TASP1: variants seen among roughly 807,000 people sequenced by gnomAD.
TASP1 encodes the protein taspase 1.
Under a neutral mutation model 56.6 loss-of-function variants are expected in TASP1, and 16 were observed. The observed-to-expected ratio is 0.28, with a 90% CI of 0.19 to 0.43. The LOEUF is 0.43. TASP1 is among the 20% of genes least tolerant of loss of function. TASP1 has a pLI of 1.00. For missense variants in TASP1, 393 were observed against 511.6 expected (o/e 0.77, Z 2.24); for synonymous variants, 179 against 184.2 (o/e 0.97, Z 0.23).
chr20:13,404,202 T>C (rs1420193824), intron 13 of TASP1, among the ~76,000 whole-genome samples: 1 of 152,240 alleles, frequency 6.6e-6, no homozygotes, highest in African/African-American at 2.4e-5. Flanking sequence ...CTTTCATGTC[T>C]GGCTTTGTTC....
intron 11 of TASP1, among the ~76,000 whole-genome samples, chr20:13,446,053 C>A (rs2043399259): frequency 6.6e-6 from 1 of 151,994 alleles, no homozygotes; most frequent in African/African-American, 2.4e-5. Context: ...AATAAACAAT[C>A]AATGTTAGAA....
At chr20:13,516,658 GTT>G (rs34296221) in intron 10 of TASP1, among the ~76,000 whole-genome samples, 9,115 of 124,826 alleles carry the variant, frequency 0.073, 427 homozygotes, top group African/African-American at 0.16. Context: ...TTACGCCTTT[GTT>G]TTTTTTTTTT....
chr20:13,317,471 C>A, the TASP1 span, among the ~76,000 whole-genome samples: 1 of 151,756 alleles, frequency 6.6e-6, no homozygotes, highest in African/African-American at 2.4e-5. Flanking sequence ...GATAAAAGAC[C>A]CAGAATAGCC....
intron 4 of TASP1, among the ~76,000 whole-genome samples, chr20:13,608,057 A>C (rs1013692409): frequency 6.6e-6 from 1 of 152,238 alleles, no homozygotes; most frequent in Admixed American, 6.5e-5. Flanking sequence ...AAAGGTGGGG[A>C]AAAAGCTTTC....
chr20:13,395,943 C>T (rs371997862), intron 13 of TASP1, among the ~76,000 whole-genome samples: 51 of 151,974 alleles, frequency 3.4e-4, no homozygotes, highest in African/African-American at 1.1e-3. Flanking sequence ...CCTCATGATC[C>T]GCCTGCCTTG....
intron 8 of TASP1, among the ~76,000 whole-genome samples, chr20:13,540,907 A>G (rs2045596683): frequency 6.6e-6 from 1 of 152,220 alleles, no homozygotes; most frequent in Non-Finnish European, 1.5e-5. Context: ...ATAGCAATGT[A>G]CTATCTTAAA....
chr20:13,137,740 C>A, the TASP1 span, among the ~76,000 whole-genome samples: 1 of 152,166 alleles, frequency 6.6e-6, no homozygotes, highest in African/African-American at 2.4e-5. Context: ...TCCTCACAAA[C>A]GAAGGGAATC....
At chr20:13,110,029 CA>C in the TASP1 span, 5 of 1,196,854 alleles carry the variant, frequency 4.2e-6, no homozygotes, top group Non-Finnish European at 5.8e-6. Context: ...TGAGTGTGAA[CA>C]TAAAACATCT....
chr20:13,134,352 T>C, the TASP1 span, among the ~76,000 whole-genome samples: 1 of 152,236 alleles, frequency 6.6e-6, no homozygotes, highest in Non-Finnish European at 1.5e-5. Context: ...TTTCTTATAA[T>C]TCTTGTCTGC....
chr20:13,374,110 T>C, the TASP1 span, among the ~76,000 whole-genome samples: 1 of 152,226 alleles, frequency 6.6e-6, no homozygotes, highest in African/African-American at 2.4e-5. Context: ...TCTATCTCTT[T>C]ATTGATATTC....
intron 12 of TASP1, among the ~76,000 whole-genome samples, chr20:13,418,275 C>T (rs2042327642): frequency 6.6e-6 from 1 of 152,104 alleles, no homozygotes; most frequent in Admixed American, 6.5e-5. Flanking sequence ...ATGTCCATTC[C>T]AGAGCTGGGA....
At chr20:13,562,915 ATGTGTGTGTGTGTGTGTGTGTG>A (rs199844282) in intron 7 of TASP1, among the ~76,000 whole-genome samples, 1 of 128,680 alleles carries the variant, frequency 7.8e-6, no homozygotes, top group Admixed American at 7.7e-5. Context: ...ACATATATAT[ATGTGTGTGTGTGTGTGTGTGTG>A]TGTGTGTGTG....
intron 8 of TASP1, among the ~76,000 whole-genome samples, chr20:13,558,338 G>A (rs1036750892): frequency 6.6e-6 from 1 of 151,996 alleles, no homozygotes; most frequent in African/African-American, 2.4e-5. Context: ...CCCTAAAAAC[G>A]CCTGAATACA....
At chr20:13,183,283 G>A in the TASP1 span, among the ~76,000 whole-genome samples, 1 of 152,226 alleles carries the variant, frequency 6.6e-6, no homozygotes, top group Non-Finnish European at 1.5e-5. Context: ...CAGACGTGTG[G>A]GTGAATCCAT....
the TASP1 span, among the ~76,000 whole-genome samples, chr20:13,111,835 T>C: frequency 0.77 from 116,808 of 152,166 alleles, 45,883 homozygotes; most frequent in African/African-American, 0.94. Context: ...GTCTTAACCA[T>C]TTTGATCATG....
the TASP1 span, among the ~76,000 whole-genome samples, chr20:13,355,235 A>G: frequency 6.6e-6 from 1 of 152,196 alleles, no homozygotes; most frequent in African/African-American, 2.4e-5. Flanking sequence ...TGGGGCATTT[A>G]TTTAATGTTT....
At chr20:13,553,223 G>A (rs539316379) in intron 8 of TASP1, among the ~76,000 whole-genome samples, 5 of 152,240 alleles carry the variant, frequency 3.3e-5, no homozygotes, top group African/African-American at 1.2e-4. Flanking sequence ...GGGATGACAG[G>A]TGTGAGTCAC....
chr20:13,266,988 A>G, the TASP1 span, among the ~76,000 whole-genome samples: 4 of 152,202 alleles, frequency 2.6e-5, no homozygotes, highest in Non-Finnish European at 5.9e-5. Context: ...CTTCTGCATT[A>G]CTAGGATATT....
intron 12 of TASP1, among the ~76,000 whole-genome samples, chr20:13,429,943 A>T (rs181594124): frequency 6.6e-6 from 1 of 152,032 alleles, no homozygotes. Flanking sequence ...TCTCTGGGCC[A>T]GCTGCAGAGT....
Sources: allele counts gnomAD v4.1 joint callset (sites outside exome capture counted in the v4.1 genomes callset), GRCh38; gene constraint gnomAD v4.1.1; transcripts MANE v1.5; gene names NCBI Gene and HGNC (gene_info 2026-07-23, HGNC 2026-07-21).